SSH2: variants seen among roughly 807,000 people sequenced by gnomAD.
SSH2 encodes the protein protein phosphatase Slingshot homolog 2.
SSH2 carries 37 observed loss-of-function variants against 135.2 expected under a neutral mutation model. The observed-to-expected ratio is 0.27, with a 90% CI of 0.21 to 0.36. SSH2 has a LOEUF of 0.36. SSH2 is among the 10% of genes least tolerant of loss of function. The pLI, the probability that SSH2 is intolerant of heterozygous loss-of-function variation, is 1.00. For missense variants in SSH2, 1,408 were observed against 1,765.3 expected (o/e 0.80, Z 3.63); for synonymous variants, 628 against 646.2 (o/e 0.97, Z 0.43).
chr17:29,702,973 C>T lies in SSH2; in HGVS notation c.278G>A (p.Arg93Gln), dbSNP rs764200393. The T allele has an allele frequency of 2.0e-5, 33 of 1,612,828 alleles. No individual in the cohort carries two copies. Among genetic ancestry groups the T allele is most frequent in the East Asian group, 4.5e-5 (2 of 44,868 alleles). The stretch of plus-strand genomic sequence containing the variant: ...GCAAGCATTACCTGCATGCTTGTTC[C>T]GTCTGTGGCTGATTCTTGGTGTGGA... ...GSSTPRISHR[R>Q]NKHAGDLQQH... Residue 93 changes from arginine to glutamine, a missense_variant, in exon 4 of 16, where the codon CGG (arginine) becomes CAG (glutamine). Arg to Gln is a conservative substitution (Grantham distance 43). This residue lies in a region of SSH2 where 222 missense variants were observed against 355.6 expected (regional missense o/e 0.62). Coordinates refer to ENST00000540801, the MANE Select transcript of SSH2 (RefSeq NM_001282129.2).
chr17:29,717,796 A>C (rs2039677668), intron 3 of SSH2, among the ~76,000 whole-genome samples: 1 of 152,196 alleles, frequency 6.6e-6, no homozygotes, highest in Non-Finnish European at 1.5e-5. Context: ...GCTACTCTGG[A>C]GGATGAGGTG....
At chr17:29,735,053 T>TA (rs1313123135) in intron 3 of SSH2, among the ~76,000 whole-genome samples, 2 of 152,210 alleles carry the variant, frequency 1.3e-5, no homozygotes, top group Non-Finnish European at 2.9e-5. Context: ...GTAAGGTCGT[T>TA]AGATTCCTTT....
chr17:29,655,164 C>T (rs951286908), intron 12 of SSH2, among the ~76,000 whole-genome samples: 5 of 151,800 alleles, frequency 3.3e-5, no homozygotes, highest in African/African-American at 7.3e-5. Context: ...AGTGCAGTGG[C>T]GTGATCTTGG....
intron 2 of SSH2, among the ~76,000 whole-genome samples, chr17:29,828,746 A>G (rs1205568794): frequency 6.6e-6 from 1 of 152,168 alleles, no homozygotes; most frequent in Non-Finnish European, 1.5e-5. Context: ...TCAACAATTA[A>G]CCTTGATCAA....
chr17:29,815,742 C>A (rs2042546909), intron 2 of SSH2, among the ~76,000 whole-genome samples: 2 of 152,234 alleles, frequency 1.3e-5, no homozygotes, highest in African/African-American at 4.8e-5. Flanking sequence ...CTTTGTACAG[C>A]AGCTTCTAAT....
At chr17:29,866,152 T>C (rs1354611046) in intron 1 of SSH2, 1 of 149,466 alleles carries the variant, frequency 6.7e-6, no homozygotes, top group Admixed American at 6.6e-5. Context: ...AAGGAGACTA[T>C]ATGCTGGAAG....
At chr17:29,668,922 T>C (rs986584524) in intron 9 of SSH2, among the ~76,000 whole-genome samples, 8 of 152,004 alleles carry the variant, frequency 5.3e-5, no homozygotes, top group Non-Finnish European at 1.0e-4. Flanking sequence ...AAGTTCCTTC[T>C]CTTCCCTGAG....
Position 29,629,113 on chromosome 17 carries a change from G to C in SSH2, c.*1728C>G, listed in dbSNP as rs968849447. The C allele has an allele frequency of 1.3e-5, 2 of 152,292 alleles. No individual in the cohort carries two copies. The highest frequency in any genetic ancestry group is 4.8e-5 in the African/African-American group (2 of 41,470). The allele number at this position is 152,292 out of a possible 1,614,324, so 9.4% of individuals were successfully genotyped here. A position where few individuals can be genotyped will look rare whatever the true frequency, so the allele number is the denominator to read the frequency against. On this transcript the variant is annotated 3_prime_UTR_variant, in exon 16 of 16. Coordinates refer to ENST00000540801, the MANE Select transcript of SSH2 (RefSeq NM_001282129.2). The stretch of plus-strand genomic sequence containing the variant: ...TCTTCAGTTTCAATGAGATGCAGAG[G>C]TGTTTCATGCTAGACTAAATCTGTT...
chr17:29,631,786 T>G lies in SSH2; in HGVS notation c.3408A>C (p.Thr1136=). The change falls in exon 16 of 16, where the codon ACA becomes ACC. Residue 1136 remains threonine, a synonymous_variant. Transcript: ENST00000540801. ...CAAAAGGTGCTGCTGTCTCCAGGGC[T>G]GTGGACAGGCTGCTGCCTCTGTCTT... ...SPEDRGSSLS[T]ALETAAPFVS... 1 of 1,614,266 alleles carries G rather than the reference T, an allele frequency of 6.2e-7. No individual in the cohort carries two copies. The highest frequency in any genetic ancestry group is 1.3e-5 in the African/African-American group (1 of 75,072).
chr17:29,889,010 G>C (rs997409795), intron 1 of SSH2, among the ~76,000 whole-genome samples: 6 of 142,116 alleles, frequency 4.2e-5, no homozygotes, highest in African/African-American at 1.6e-4. Context: ...TAAAATTAAA[G>C]GCATTGTATA....
chr17:29,651,489 A>C (rs952054334), intron 12 of SSH2, among the ~76,000 whole-genome samples: 1 of 152,244 alleles, frequency 6.6e-6, no homozygotes, highest in Non-Finnish European at 1.5e-5. Flanking sequence ...GTATCAAAAC[A>C]GTCTTCTATT....
chr17:29,724,976 CA>C (rs2039949624), intron 3 of SSH2, among the ~76,000 whole-genome samples: 1 of 151,848 alleles, frequency 6.6e-6, no homozygotes, highest in Admixed American at 6.6e-5. Context: ...GATTTTCATT[CA>C]ACAGGTATTT....
At chr17:29,926,801 AC>A (rs912363757) in intron 1 of SSH2, among the ~76,000 whole-genome samples, 2 of 152,128 alleles carry the variant, frequency 1.3e-5, no homozygotes, top group African/African-American at 4.8e-5. Flanking sequence ...TTTGGTGTAC[AC>A]AATTTCTCTT....
At chr17:29,633,129 T>A (rs761097505) in intron 15 of SSH2, among the ~76,000 whole-genome samples, 198 bp from the exon 16 acceptor site, 11 of 152,200 alleles carry the variant, frequency 7.2e-5, no homozygotes, top group Non-Finnish European at 1.3e-4. Flanking sequence ...AGGCTAGACA[T>A]AACATTTGTT....
intron 1 of SSH2, among the ~76,000 whole-genome samples, chr17:29,876,619 GAAAAGACAGTCTCTTCA>G (rs1321038098): frequency 1.3e-5 from 2 of 151,704 alleles, no homozygotes; most frequent in East Asian, 3.9e-4. Flanking sequence ...ATACATTGGG[GAAAAGACAGTCTCTTCA>G]AAAAGTGTGC....
chr17:29,709,052 A>AGAGAGAGAGCGC (rs1491229455), intron 3 of SSH2, among the ~76,000 whole-genome samples: 103 of 144,638 alleles, frequency 7.1e-4, no homozygotes, highest in Middle Eastern at 7.4e-3. Flanking sequence ...AGAGAGAGAG[A>AGAGAGAGAGCGC]GCTAATAATA....
intron 1 of SSH2, among the ~76,000 whole-genome samples, chr17:29,901,356 T>C (rs1401950377): frequency 6.6e-6 from 1 of 152,184 alleles, no homozygotes; most frequent in Non-Finnish European, 1.5e-5. Context: ...TAAAATTCAA[T>C]CACTATCAAG....
intron 3 of SSH2, among the ~76,000 whole-genome samples, chr17:29,735,660 G>A (rs1598902598): frequency 6.9e-6 from 1 of 145,806 alleles, no homozygotes; most frequent in East Asian, 2.0e-4. Flanking sequence ...TCGCGTCACT[G>A]CACTCCAGCC....
chr17:29,740,910 G>C (rs1430890759), intron 3 of SSH2, among the ~76,000 whole-genome samples: 2 of 152,146 alleles, frequency 1.3e-5, no homozygotes, highest in African/African-American at 4.8e-5. Context: ...GTCTAAAATG[G>C]TGATAATTTT....
Sources: gnomAD v4.1 joint callset for allele counts (sites outside exome capture counted in the v4.1 genomes callset) on GRCh38, gnomAD v4.1.1 for gene constraint, gnomAD v4.1.1 regional missense constraint, MANE v1.5 for transcripts, NCBI Gene and HGNC (gene_info 2026-07-23, HGNC 2026-07-21) for gene names.